The following RNF144A variants were observed in gnomAD, a reference collection of about 807,000 sequenced individuals.
RNF144A encodes the protein E3 ubiquitin-protein ligase RNF144A.
In RNF144A, 11 loss-of-function variants were observed where a neutral mutation model predicts 38.7. The observed-to-expected ratio is 0.28, with a 90% CI of 0.18 to 0.47. The LOEUF is 0.47. RNF144A is among the 20% of genes least tolerant of loss of function. The probability of loss-of-function intolerance (pLI) is 0.99; values close to 1 mark genes in which losing one functional copy is unlikely to be tolerated. For missense variants in RNF144A, 316 were observed against 377.2 expected, an observed-to-expected ratio of 0.84 and a Z score of 1.34; for synonymous variants, 149 against 143.9, an observed-to-expected ratio of 1.04 and a Z score of -0.25.
At chr2:7,000,781 G>C (rs1193938930) in intron 3 of RNF144A, among the ~76,000 whole-genome samples, 1 of 151,494 alleles carries the variant, frequency 6.6e-6, no homozygotes, top group African/African-American at 2.4e-5. Context: ...TCTAATGAAA[G>C]TTATTTTTTA....
intron 2 of RNF144A, among the ~76,000 whole-genome samples, chr2:6,980,566 G>A (rs948375896): frequency 4.6e-5 from 7 of 152,254 alleles, no homozygotes; most frequent in African/African-American, 1.7e-4. Context: ...GATGCAAGGG[G>A]TAGGCTCTCA....
At position 7,063,131 on chromosome 2, in the gene RNF144A, G is replaced by C. The variant is rs188006785; in HGVS notation, c.735-5085G>C. Among the ~76,000 whole-genome samples, 1,043 of 152,334 alleles carry C rather than the reference G, an allele frequency of 6.8e-3. 18 individuals are homozygous for C. Among genetic ancestry groups the C allele is most frequent in the South Asian group, 0.018 (89 of 4,826 alleles). On this transcript the variant is annotated intron_variant, in intron 6 of 6. Coordinates refer to the RNF144A transcript ENST00000432850. The stretch of plus-strand genomic sequence containing the variant: ...AAAACCTAGATGTGGTGGTAATCCA[G>C]GTAAGAAATTATGAAGCTCCTAACA...
chr2:7,028,316 C>T (rs770430788), intron 7 of RNF144A, among the ~76,000 whole-genome samples: 10 of 152,342 alleles, frequency 6.6e-5, no homozygotes, highest in East Asian at 1.9e-4. Flanking sequence ...GCCCAGACGA[C>T]GGCCCCTGTG....
At chr2:7,025,809 C>G (rs1671854808) in intron 7 of RNF144A, among the ~76,000 whole-genome samples, 1 of 152,176 alleles carries the variant, frequency 6.6e-6, no homozygotes, top group African/African-American at 2.4e-5. Context: ...CTGTTCTGCA[C>G]AGCAAGGATG....
chr2:6,977,366 A>G (rs113262018), intron 2 of RNF144A, among the ~76,000 whole-genome samples: 327 of 152,372 alleles, frequency 2.1e-3, no homozygotes, highest in African/African-American at 7.4e-3. Flanking sequence ...ACACGAAAGC[A>G]CAGACAACTG....
chr2:7,038,782 A>G (rs2103460213), intron 8 of RNF144A, among the ~76,000 whole-genome samples: 1 of 152,166 alleles, frequency 6.6e-6, no homozygotes, highest in African/African-American at 2.4e-5. Flanking sequence ...GGTTAGATGG[A>G]TAGATGGGTG....
downstream of RNF144A, among the ~76,000 whole-genome samples, chr2:7,047,613 T>C (rs1189457224): frequency 6.6e-6 from 1 of 152,182 alleles, no homozygotes; most frequent in African/African-American, 2.4e-5. Context: ...AGATATACAA[T>C]TCAAGTTGAG....
intron 3 of RNF144A, among the ~76,000 whole-genome samples, chr2:7,000,199 TGA>T (rs2103396186): frequency 6.6e-6 from 1 of 152,336 alleles, no homozygotes; most frequent in African/African-American, 2.4e-5. Context: ...TTGGGGATGA[TGA>T]GAGCTACCAG....
chr2:7,027,816 A>T (rs1397354170), intron 7 of RNF144A, among the ~76,000 whole-genome samples: 7 of 152,252 alleles, frequency 4.6e-5, no homozygotes, highest in African/African-American at 1.7e-4. Context: ...ATAAACTAAA[A>T]ATCATAAGTC....
rs550229524 is a variant in RNF144A, at chr2:6,932,821, T to C, written c.-211-8127T>C. ...GATAACCAATGAACCAACAAGTTTGTTCCATAGCTATAATTTGACAAATAT... is the reference window on the plus strand; with the variant it reads ...GATAACCAATGAACCAACAAGTTTGCTCCATAGCTATAATTTGACAAATAT... On this transcript the variant is annotated intron_variant, in intron 1 of 8. Transcript: ENST00000320892. Among the ~76,000 whole-genome samples the C allele has an allele frequency of 7.9e-5, 12 of 152,346 alleles. No individual in the cohort carries two copies. In the South Asian group the frequency reaches 2.5e-3, roughly 32 times the overall value.
chr2:7,054,831 T>C (rs921661741), intron 6 of RNF144A, among the ~76,000 whole-genome samples: 5 of 152,192 alleles, frequency 3.3e-5, no homozygotes, highest in African/African-American at 1.2e-4. Context: ...TAAGGTATTT[T>C]GTTATAGCCG....
intron 1 of RNF144A, among the ~76,000 whole-genome samples, chr2:6,936,859 G>GTGTA (rs1665623265): frequency 6.6e-6 from 1 of 151,472 alleles, no homozygotes; most frequent in Admixed American, 6.6e-5. Flanking sequence ...GTGTGTGTGT[G>GTGTA]TGTGTGTGTG....
chr2:6,968,657 C>G (rs1667815797), intron 2 of RNF144A, among the ~76,000 whole-genome samples: 1 of 151,942 alleles, frequency 6.6e-6, no homozygotes, highest in Non-Finnish European at 1.5e-5. Context: ...TTTTCTCCTA[C>G]CATATAAAAT....
At chr2:7,055,708 A>C (rs1214481655) in intron 6 of RNF144A, among the ~76,000 whole-genome samples, 2 of 152,190 alleles carry the variant, frequency 1.3e-5, no homozygotes, top group African/African-American at 2.4e-5. Flanking sequence ...AAACATTCAC[A>C]GTTCCAAATT....
At chr2:7,035,958 G>A (rs1227389200) in intron 8 of RNF144A, among the ~76,000 whole-genome samples, 1 of 152,162 alleles carries the variant, frequency 6.6e-6, no homozygotes, top group Non-Finnish European at 1.5e-5. Context: ...AGAGTCTCCT[G>A]TTAAAGTAAA....
At chr2:6,937,338 G>A (rs1371079498) in intron 1 of RNF144A, among the ~76,000 whole-genome samples, 1 of 152,242 alleles carries the variant, frequency 6.6e-6, no homozygotes, top group Non-Finnish European at 1.5e-5. Flanking sequence ...TCCAGGTGGG[G>A]ACAGGAGGCT....
chr2:6,942,343 G>A (rs182465916), intron 2 of RNF144A, among the ~76,000 whole-genome samples: 1 of 150,958 alleles, frequency 6.6e-6, no homozygotes, highest in Admixed American at 6.6e-5. Context: ...GAGGACAAGG[G>A]TGTAAAATCC....
chr2:6,938,850 G>A (rs1349487687), intron 1 of RNF144A, among the ~76,000 whole-genome samples: 4 of 152,064 alleles, frequency 2.6e-5, no homozygotes, highest in East Asian at 3.9e-4. Flanking sequence ...TTTGTGTCTG[G>A]CTTCTCTCTC....
At chr2:6,996,575 A>C (rs1320311547) in intron 2 of RNF144A, among the ~76,000 whole-genome samples, 3 of 152,144 alleles carry the variant, frequency 2.0e-5, no homozygotes, top group African/African-American at 7.2e-5. Flanking sequence ...TAACATGGTG[A>C]AACCCCATCT....
Sources: allele counts gnomAD v4.1 joint callset (sites outside exome capture counted in the v4.1 genomes callset), GRCh38; gene constraint gnomAD v4.1.1; transcripts MANE v1.5; gene names NCBI Gene and HGNC (gene_info 2026-07-23, HGNC 2026-07-21).